SLC35F4: variants seen among roughly 807,000 people sequenced by gnomAD.
The protein encoded by SLC35F4 is solute carrier family 35 member F4.
A neutral mutation model predicts 44.2 loss-of-function variants in SLC35F4; 24 were observed. The observed-to-expected ratio is 0.54, with a 90% CI of 0.39 to 0.76. SLC35F4 has a LOEUF of 0.76. SLC35F4 is among the 30% of genes least tolerant of loss of function. SLC35F4 has a pLI of 0.00. For missense variants in SLC35F4, 562 were observed against 586.1 expected (o/e 0.96, Z 0.42); for synonymous variants, 238 against 223.6 (o/e 1.06, Z -0.57).
chr14:57,614,925 C>A (rs78948104), intron 1 of SLC35F4, among the ~76,000 whole-genome samples: 1 of 152,254 alleles, frequency 6.6e-6, no homozygotes, highest in Admixed American at 6.5e-5. Flanking sequence ...TAAGTGTTCT[C>A]GTCCATAAAA....
chr14:57,821,473 C>T (rs185754630), intron 1 of SLC35F4, among the ~76,000 whole-genome samples: 197 of 152,204 alleles, frequency 1.3e-3, no homozygotes, highest in African/African-American at 4.1e-3. Context: ...AAAAGCTGTG[C>T]GCATGCAGTA....
intron 3 of SLC35F4, 105 bp downstream of exon 3, chr14:57,589,111 C>A: frequency 7.9e-7 from 1 of 1,269,632 alleles, no homozygotes; most frequent in Non-Finnish European, 1.1e-6. Flanking sequence ...CTTGTTTCTT[C>A]ACATACCCCA....
chr14:57,749,741 C>T (rs563749344), intron 1 of SLC35F4, among the ~76,000 whole-genome samples: 157 of 152,246 alleles, frequency 1.0e-3, no homozygotes, highest in African/African-American at 3.4e-3. Flanking sequence ...ACCAACTATG[C>T]TGTTCTTTCA....
intron 1 of SLC35F4, among the ~76,000 whole-genome samples, chr14:57,934,780 A>C (rs1451961254): frequency 6.6e-6 from 1 of 152,188 alleles, no homozygotes; most frequent in Non-Finnish European, 1.5e-5. Context: ...ATGTTAACTG[A>C]GAAACTGGGT....
chr14:57,605,075 A>T (rs1341328833), intron 1 of SLC35F4, among the ~76,000 whole-genome samples: 2 of 88,658 alleles, frequency 2.3e-5, no homozygotes, highest in East Asian at 4.3e-4. Flanking sequence ...AGTCCCCAAA[A>T]GCAATTGAAA....
chr14:57,827,166 T>A (rs1189879532), intron 1 of SLC35F4, among the ~76,000 whole-genome samples: 1 of 152,144 alleles, frequency 6.6e-6, no homozygotes, highest in African/African-American at 2.4e-5. Context: ...TACCATGGAA[T>A]CCTATGCAGC....
chr14:57,602,595 TAAAC>T (rs982241711), intron 1 of SLC35F4: 2 of 152,152 alleles, frequency 1.3e-5, no homozygotes, highest in Admixed American at 6.5e-5. Flanking sequence ...GTTAAGAACA[TAAAC>T]AATGCACAAT....
intron 1 of SLC35F4, among the ~76,000 whole-genome samples, chr14:57,805,019 A>G (rs530600800): frequency 3.7e-4 from 56 of 152,354 alleles, no homozygotes; most frequent in Middle Eastern, 3.4e-3. Flanking sequence ...CATATGAAAA[A>G]AAGCTCAACA....
intron 4 of SLC35F4, 103 bp downstream of exon 4, chr14:57,581,109 GAA>G: frequency 3.2e-6 from 4 of 1,234,800 alleles, no homozygotes; most frequent in Non-Finnish European, 3.2e-6. Context: ...GAACAAGTGA[GAA>G]AAGTTTTACA....
chr14:57,708,066 G>A (rs1211079966), intron 1 of SLC35F4, among the ~76,000 whole-genome samples: 2 of 152,252 alleles, frequency 1.3e-5, no homozygotes, highest in East Asian at 1.9e-4. Context: ...TGTAGCCTCT[G>A]GCTCCAAGAG....
chr14:57,891,102 A>C (rs1019040793), intron 1 of SLC35F4, among the ~76,000 whole-genome samples: 1 of 152,182 alleles, frequency 6.6e-6, no homozygotes, highest in Admixed American at 6.6e-5. Flanking sequence ...CTTCCAGATT[A>C]TGGATTTCTT....
At chr14:57,844,674 T>G (rs1595194998) in intron 1 of SLC35F4, among the ~76,000 whole-genome samples, 1 of 152,152 alleles carries the variant, frequency 6.6e-6, no homozygotes, top group African/African-American at 2.4e-5. Flanking sequence ...AAATAGAGAA[T>G]TCTTCTCAAC....
intron 1 of SLC35F4, among the ~76,000 whole-genome samples, chr14:57,908,867 G>A (rs1357606571): frequency 6.6e-6 from 1 of 152,122 alleles, no homozygotes; most frequent in Non-Finnish European, 1.5e-5. Context: ...CCATGCCTAT[G>A]TCCTGAATGG....
At chr14:57,677,265 T>C (rs1255476130) in intron 1 of SLC35F4, among the ~76,000 whole-genome samples, 1 of 151,776 alleles carries the variant, frequency 6.6e-6, no homozygotes. Context: ...AGGGAAATGT[T>C]GGGAATGGGG....
At chr14:57,728,441 C>CTTTTTT (rs869064667) in intron 1 of SLC35F4, among the ~76,000 whole-genome samples, 38 of 58,986 alleles carry the variant, frequency 6.4e-4, no homozygotes, top group East Asian at 2.4e-3. Context: ...TTCTTTCTTT[C>CTTTTTT]TTTTTTTTTT....
chr14:57,707,362 C>G (rs2075703023), intron 1 of SLC35F4, among the ~76,000 whole-genome samples: 1 of 152,052 alleles, frequency 6.6e-6, no homozygotes, highest in Non-Finnish European at 1.5e-5. Flanking sequence ...GCAGTTTCAC[C>G]CATGCTGTTT....
intron 1 of SLC35F4, among the ~76,000 whole-genome samples, chr14:57,634,270 C>A (rs1594652829): frequency 6.6e-6 from 1 of 152,198 alleles, no homozygotes; most frequent in South Asian, 2.1e-4. Flanking sequence ...CGGTTGAAGG[C>A]AAGGGAATGG....
chr14:57,618,176 A>G (rs2071960779), intron 1 of SLC35F4, among the ~76,000 whole-genome samples: 1 of 152,258 alleles, frequency 6.6e-6, no homozygotes, highest in Non-Finnish European at 1.5e-5. Flanking sequence ...AAGATTTTAA[A>G]ATAAAATGTG....
At chr14:57,739,057 T>A (rs1214384916) in intron 1 of SLC35F4, among the ~76,000 whole-genome samples, 1 of 152,040 alleles carries the variant, frequency 6.6e-6, no homozygotes, top group East Asian at 1.9e-4. Flanking sequence ...GTGTGTGACA[T>A]CATAGCTCTT....
Sources: allele counts gnomAD v4.1 joint callset (sites outside exome capture counted in the v4.1 genomes callset), GRCh38; gene constraint gnomAD v4.1.1; transcripts MANE v1.5; gene names NCBI Gene and HGNC (gene_info 2026-07-23, HGNC 2026-07-21).